The following CD244 variants were observed in gnomAD, a reference collection of about 807,000 sequenced individuals.
The protein encoded by CD244 is CD244 molecule, also known as natural killer cell receptor 2B4.
A neutral mutation model predicts 45.5 loss-of-function variants in CD244; 20 were observed. The observed-to-expected ratio is 0.44, with a 90% confidence interval of 0.31 to 0.64. The LOEUF is 0.64. CD244 is among the 30% of genes least tolerant of loss of function. The pLI is 0.08. For missense variants in CD244, 407 were observed against 426.9 expected (o/e 0.95, Z 0.41); for synonymous variants, 185 against 160.5 (o/e 1.15, Z -1.15).
chr1:160,855,484 A>C (rs1242327463), intron 1 of CD244, among the ~76,000 whole-genome samples: 1 of 152,226 alleles, frequency 6.6e-6, no homozygotes, highest in Non-Finnish European at 1.5e-5. Context: ...CAAGTAGACA[A>C]GTCACTATGT....
In CD244 at chr1:160,862,663, C is replaced by T. The variant is rs760567350; in HGVS notation, c.15G>A (p.Val5=). Residue 5 remains valine, a synonymous_variant, in exon 1 of 9, where the codon GTG becomes GTA. Transcript: ENST00000368034. MLGQ[V]VTLILLLLLK... ...GGAGCAGGAGGAGTATGAGGGTGAC[C>T]ACTTGCCCCAGCATTTCCACAGGAC... The T allele has an allele frequency of 6.2e-7, 1 of 1,613,994 alleles. No homozygotes were observed. The highest frequency in any genetic ancestry group is 1.1e-5 in the South Asian group (1 of 91,060).
intron 1 of CD244, among the ~76,000 whole-genome samples, chr1:160,848,818 C>G (rs888177529): frequency 6.6e-6 from 1 of 151,440 alleles, no homozygotes; most frequent in African/African-American, 2.5e-5. Flanking sequence ...TTCCCCCATA[C>G]CTTGCCCTAT....
chr1:160,832,661 T>TC (rs1330879118), intron 7 of CD244, 86 bp from the exon 8 acceptor site: 2 of 1,586,604 alleles, frequency 1.3e-6, no homozygotes, highest in African/African-American at 2.7e-5. Flanking sequence ...CAAAAGAGAC[T>TC]CAGGGCCCAG....
rs746569428 is a variant in CD244 at position 160,841,603 on chromosome 1, C to T, written c.360G>A (p.Thr120=). Residue 120 remains threonine, a synonymous_variant, in exon 2 of 9, where the codon ACG becomes ACA. Coordinates refer to ENST00000368034, the MANE Select transcript of CD244 (RefSeq NM_016382.4). ...TSISGKVQTA[T]FQVFVFDKVE... is the part of the protein sequence containing the mutation. ...ACTTACCAAATACAAAAACCTGGAA[C>T]GTGGCTGTCTGAACTTTTCCAGATA... 6.8e-6 allele frequency: 11 copies of T among 1,614,016 alleles called. No homozygotes were observed. Among genetic ancestry groups the T allele is most frequent in the East Asian group, 2.2e-5 (1 of 44,882 alleles).
At chr1:160,838,035 A>T (rs1385016871) in intron 5 of CD244, among the ~76,000 whole-genome samples, 1 of 152,212 alleles carries the variant, frequency 6.6e-6, no homozygotes, top group Admixed American at 6.5e-5. Flanking sequence ...AGCCAGCTAC[A>T]AAACTATTAT....
At position 160,839,073 on chromosome 1, in the gene CD244, A is replaced by C. The variant is rs765483217; in HGVS notation, c.656-24T>G. On this transcript the variant is annotated intron_variant, in intron 3 of 8. Coordinates refer to ENST00000368034, the MANE Select transcript of CD244 (RefSeq NM_016382.4). ...TTCTGAGGAATACAGAAGGCGTGAG[A>C]ACTGAGCTGTCAGCTCGCTCTCTTC... The C allele has an allele frequency of 1.2e-4, 188 of 1,548,170 alleles. No homozygotes were observed. Among genetic ancestry groups the C allele is most frequent in the Middle Eastern group, 1.7e-4 (1 of 5,958 alleles).
At chr1:160,836,525 C>A (rs550321417) in intron 5 of CD244, among the ~76,000 whole-genome samples, 1 of 152,312 alleles carries the variant, frequency 6.6e-6, no homozygotes, top group East Asian at 1.9e-4. Flanking sequence ...CACTTTCTTT[C>A]CTTTAGTAAC....
chr1:160,848,750 T>C (rs1669820464), intron 1 of CD244, among the ~76,000 whole-genome samples: 1 of 152,210 alleles, frequency 6.6e-6, no homozygotes, highest in African/African-American at 2.4e-5. Context: ...AGCCTCCAGA[T>C]AGCTGGAGAT....
chr1:160,834,357 T>C (rs955259927), intron 6 of CD244, among the ~76,000 whole-genome samples: 4 of 152,226 alleles, frequency 2.6e-5, no homozygotes, highest in African/African-American at 4.8e-5. Flanking sequence ...AACTGTTTTT[T>C]TGTTTATTTG....
intron 1 of CD244, among the ~76,000 whole-genome samples, chr1:160,860,864 C>A (rs1557847672): frequency 6.6e-6 from 1 of 152,166 alleles, no homozygotes; most frequent in Non-Finnish European, 1.5e-5. Context: ...TATGCCAGGC[C>A]TGCCCTATAG....
chr1:160,837,598 G>A (rs1571091131), intron 5 of CD244, among the ~76,000 whole-genome samples: 1 of 152,172 alleles, frequency 6.6e-6, no homozygotes. Flanking sequence ...GGCTGCACAG[G>A]GCCTCACGTA....
At chr1:160,842,822 G>A (rs548799845) in intron 1 of CD244, among the ~76,000 whole-genome samples, 4 of 152,192 alleles carry the variant, frequency 2.6e-5, no homozygotes, top group African/African-American at 9.7e-5. Context: ...TAATGAATAT[G>A]GGGGTGTGAC....
At chr1:160,852,996 C>T (rs1370334742) in intron 1 of CD244, among the ~76,000 whole-genome samples, 1 of 152,042 alleles carries the variant, frequency 6.6e-6, no homozygotes, top group East Asian at 1.9e-4. Flanking sequence ...GCACTCCAGC[C>T]TGGGCAACAA....
chr1:160,838,954 TC>T lies in CD244; in HGVS notation c.750del (p.Lys251ArgfsTer13). Reference protein sequence around the residue: ...LACFCVWRRKRKEKQSETSPK... With the variant: ...LACFCVWRRKXKEKQSETSPK... ...TTCCACTCACCTGACTGCTTCTCCT[TC>T]CTCTTTCTCCTCCACACACAGAAGC... On this transcript the variant is annotated frameshift_variant, in exon 4 of 9. Transcript: ENST00000368034. LOFTEE classifies it high-confidence loss of function. 1.9e-6 allele frequency: 3 copies of T among 1,613,084 alleles called. No individual in the cohort carries two copies. The highest frequency in any genetic ancestry group is 2.5e-6 in the Non-Finnish European group (3 of 1,179,242).
chr1:160,851,338 C>A (rs1205933703), intron 1 of CD244, among the ~76,000 whole-genome samples: 1 of 152,150 alleles, frequency 6.6e-6, no homozygotes, highest in Non-Finnish European at 1.5e-5. Flanking sequence ...CCTCATTAGC[C>A]TACAAAAAGA....
At chr1:160,852,304 C>T (rs779098430) in intron 1 of CD244, among the ~76,000 whole-genome samples, 5 of 152,258 alleles carry the variant, frequency 3.3e-5, no homozygotes, top group East Asian at 1.9e-4. Context: ...AATCCCAGCA[C>T]TTTGGGAGGC....
intron 8 of CD244, among the ~76,000 whole-genome samples, chr1:160,832,075 A>G (rs1386643315): frequency 6.6e-6 from 1 of 152,184 alleles, no homozygotes; most frequent in Admixed American, 6.5e-5. Context: ...CTCAGTGGTC[A>G]TCTCTGAACA....
At chr1:160,831,462 AC>A in intron 8 of CD244, 35 bp from the exon 9 acceptor site, 1 of 1,426,366 alleles carries the variant, frequency 7.0e-7, no homozygotes, top group Non-Finnish European at 9.9e-7. Flanking sequence ...AGACCCTTGC[AC>A]TGGGAGGTCC....
intron 1 of CD244, 26 bp downstream of exon 1, chr1:160,862,591 C>T: frequency 1.2e-6 from 2 of 1,610,658 alleles, no homozygotes; most frequent in South Asian, 1.1e-5. Flanking sequence ...CCCTCCCTCG[C>T]CCCACGCCAG....
Sources: allele counts gnomAD v4.1 joint callset (sites outside exome capture counted in the v4.1 genomes callset), GRCh38; gene constraint gnomAD v4.1.1; transcripts MANE v1.5; gene names NCBI Gene and HGNC (gene_info 2026-07-23, HGNC 2026-07-21).